Variants in OR51E2 observed in about 807,000 individuals in gnomAD.
OR51E2 encodes olfactory receptor 51E2.
OR51E2 carries 14 observed loss-of-function variants against 13.7 expected under a neutral mutation model. The ratio of observed to expected loss-of-function variants is 1.02; its 90% CI spans 0.68 to 1.60. The LOEUF (loss-of-function observed/expected upper bound fraction) is 1.60, where lower values mean the gene tolerates loss of function less well. OR51E2 is among the 40% of genes most tolerant of loss of function. The pLI is 0.00. For missense variants in OR51E2, 483 were observed against 413.8 expected (o/e 1.17, Z -1.45); for synonymous variants, 180 against 157.6 (o/e 1.14, Z -1.07).
intron 1 of OR51E2, among the ~76,000 whole-genome samples, chr11:4,691,997 A>G (rs997582638): frequency 2.6e-5 from 4 of 152,214 alleles, no homozygotes; most frequent in Non-Finnish European, 5.9e-5. Context: ...TTCTAGCCAT[A>G]GATAACCAAA....
rs772269733 is a variant in OR51E2, at chr11:4,681,110, G to C, written c.*639C>G. On this transcript the variant is annotated 3_prime_UTR_variant, in exon 2 of 2. Transcript: ENST00000396950. ...TTCACACCTGTAATCCCAACACTTT[G>C]GGAGGCTGAGGCGGGTGGATCACAA... The C allele has an allele frequency of 1.3e-4, 20 of 155,854 alleles. No individual in the cohort carries two copies. Among genetic ancestry groups the C allele is most frequent in the Non-Finnish European group, 2.4e-4 (17 of 70,750 alleles). The allele number at this position is 155,854 out of a possible 1,614,324, so 9.7% of individuals were successfully genotyped here.
In OR51E2 at chr11:4,682,625, G is replaced by A. The variant is rs879082453; in HGVS notation, c.87C>T (p.Pro29=). ...TTGCCACTACATACATGGAAAGGAG[G>A]GGGAAGCCAACCCAGAAATGGGCTT... ...LEKAHFWVGF[P]LLSMYVVAMF... is the part of the protein sequence containing the mutation. Residue 29 remains proline, a synonymous_variant, in exon 2 of 2, where the codon CCC becomes CCT. Coordinates refer to ENST00000396950, the MANE Select transcript of OR51E2 (RefSeq NM_030774.4). 4 of 1,614,198 alleles carry A rather than the reference G, an allele frequency of 2.5e-6. No individual in the cohort carries two copies. The highest frequency in any genetic ancestry group is 3.4e-6 in the Non-Finnish European group (4 of 1,180,040).
At chr11:4,694,050 G>A (rs1847621186) in intron 1 of OR51E2, among the ~76,000 whole-genome samples, 1 of 152,158 alleles carries the variant, frequency 6.6e-6, no homozygotes, top group African/African-American at 2.4e-5. Flanking sequence ...TATCTGAGTT[G>A]TAATTTTTGT....
At chr11:4,690,810 G>T (rs554126958) in intron 1 of OR51E2, 1 of 439,188 alleles carries the variant, frequency 2.3e-6, no homozygotes, top group Non-Finnish European at 4.5e-6. Context: ...TATCTGTTTG[G>T]TTTTCACACT....
chr11:4,691,107 G>A, intron 1 of OR51E2: 1 of 456,702 alleles, frequency 2.2e-6, no homozygotes, highest in Admixed American at 2.3e-5. Context: ...CAGCCCAACT[G>A]CACTGTTGAT....
intron 1 of OR51E2, among the ~76,000 whole-genome samples, chr11:4,694,575 T>TATATACAC (rs72005121): frequency 0.15 from 22,147 of 147,652 alleles, 2,082 homozygotes; most frequent in Non-Finnish European, 0.22. Flanking sequence ...CATATATATA[T>TATATACAC]ACACACACAC....
intron 1 of OR51E2, among the ~76,000 whole-genome samples, chr11:4,693,150 T>C (rs1847607237): frequency 6.6e-6 from 1 of 152,194 alleles, no homozygotes; most frequent in South Asian, 2.1e-4. Flanking sequence ...GTGATGGATA[T>C]GATAATTAGC....
chr11:4,684,317 G>T lies in OR51E2; in HGVS notation c.-50-1556C>A, dbSNP rs186110110. 2.2e-3 allele frequency among the ~76,000 whole-genome samples: 330 copies of T among 152,292 alleles called. 2 individuals are homozygous for T. The highest frequency in any genetic ancestry group is 7.4e-3 in the African/African-American group (307 of 41,558). On this transcript the variant is annotated intron_variant, in intron 1 of 1. Transcript: ENST00000396950. ...TGAAAAGCCCTTTTCAGAAGCAGAT[G>T]ATTGCATCCTTTAGTGAGATACAAG... is the stretch of plus-strand genomic sequence containing the variant.
rs569154911 is a variant in OR51E2 at position 4,682,447 on chromosome 11, G to T, written c.265C>A (p.Arg89=). The T allele has an allele frequency of 1.2e-5, 20 of 1,614,070 alleles. No homozygotes were observed. In the East Asian group the frequency reaches 3.6e-4, roughly 29 times the overall value. ...KILALFWFDS[R]EISFEACLTQ... is the part of the protein sequence containing the mutation. ...AGACAGGCCTCAAAGCTAATCTCTC[G>T]GGAATCAAACCAGAAAAGGGCAAGG... The change falls in exon 2 of 2, where the codon CGA becomes AGA. Residue 89 remains arginine (R), a synonymous_variant. Coordinates refer to ENST00000396950, the MANE Select transcript of OR51E2 (RefSeq NM_030774.4).
intron 1 of OR51E2, among the ~76,000 whole-genome samples, chr11:4,687,031 G>A (rs1030778523): frequency 1.3e-5 from 2 of 151,896 alleles, no homozygotes; most frequent in Non-Finnish European, 2.9e-5. Flanking sequence ...CCATTTTTAG[G>A]ACTTTGAGTA....
Position 4,681,508 on chromosome 11 carries a change from T to G in OR51E2, c.*241A>C. 1 of 509,848 alleles carries G rather than the reference T, an allele frequency of 2.0e-6. No homozygotes were observed. The highest frequency in any genetic ancestry group is 3.4e-6 in the Non-Finnish European group (1 of 290,132). The allele number at this position is 509,848 out of a possible 1,614,324, so 31.6% of individuals were successfully genotyped here. A position where few individuals can be genotyped will look rare whatever the true frequency, so the allele number is the denominator to read the frequency against. ...CAACTTGGTTTCAATCATGTATCTT[T>G]ATTGTTTTTCTTAATGTTATAAGCA... On this transcript the variant is annotated 3_prime_UTR_variant, in exon 2 of 2. Transcript: ENST00000396950.
At position 4,685,335 on chromosome 11, in the gene OR51E2, C is replaced by G. The variant is rs1405630213; in HGVS notation, c.-50-2574G>C. Among the ~76,000 whole-genome samples the G allele has an allele frequency of 2.6e-5, 4 of 152,194 alleles. No individual in the cohort carries two copies. In the East Asian group the frequency reaches 7.7e-4, roughly 29 times the overall value. ...ACACTCACATATACAGGGCTCTCGA[C>G]AATCTGCTCCCACTTCTCCAAGCTA... On this transcript the variant is annotated intron_variant, in intron 1 of 1. Coordinates refer to ENST00000396950, the MANE Select transcript of OR51E2 (RefSeq NM_030774.4).
intron 1 of OR51E2, among the ~76,000 whole-genome samples, chr11:4,687,323 T>C (rs1159438546): frequency 6.6e-6 from 1 of 152,174 alleles, no homozygotes; most frequent in Non-Finnish European, 1.5e-5. Flanking sequence ...CTCTTTAAAG[T>C]GGCCTCCTAA....
intron 1 of OR51E2, among the ~76,000 whole-genome samples, chr11:4,694,573 T>C (rs551827433): frequency 3.6e-3 from 433 of 118,980 alleles, no homozygotes; most frequent in Middle Eastern, 0.017. Context: ...TACATATATA[T>C]ATACACACAC....
chr11:4,691,317 G>C lies in OR51E2; in HGVS notation c.-51+6336C>G, dbSNP rs370478557. The C allele has an allele frequency of 1.1e-4, 51 of 457,552 alleles. No homozygotes were observed. The East Asian group carries it at 3.0e-3, about 27-fold the overall frequency. 28.3% of individuals were successfully genotyped at this position (457,552 alleles called of 1,614,324 possible). On this transcript the variant is annotated intron_variant, in intron 1 of 1. Coordinates refer to ENST00000396950, the MANE Select transcript of OR51E2 (RefSeq NM_030774.4). ...AATCATGGCATACCTAAGGGGATTA[G>C]AGACGGCCACAAAACGATCAAAAGC...
chr11:4,681,892 C>A lies in OR51E2; in HGVS notation c.820G>T (p.Val274Phe), dbSNP rs199516642. ...GNSLHPIVRV[V>F]MGDIYLLLPP... ...AGCAGCAGGTAGATGTCACCCATGA[C>A]AACACGCACAATGGGATGAAGGCTG... is the stretch of plus-strand genomic sequence containing the variant. Residue 274 changes from valine (V) to phenylalanine (F), a missense_variant, in exon 2 of 2, where the codon GTC (valine) becomes TTC (phenylalanine). By Grantham distance (50) the Val-to-Phe change is conservative (BLOSUM62 -1). Transcript: ENST00000396950. The A allele has an allele frequency of 6.2e-7, 1 of 1,614,152 alleles. No individual in the cohort carries two copies. Among genetic ancestry groups the A allele is most frequent in the Non-Finnish European group, 8.5e-7 (1 of 1,180,040 alleles).
At chr11:4,694,316 C>T (rs73388900) in intron 1 of OR51E2, among the ~76,000 whole-genome samples, 2,193 of 151,922 alleles carry the variant, frequency 0.014, 52 homozygotes, top group African/African-American at 0.05. Flanking sequence ...TGACTTCTCT[C>T]CTTTCCATCA....
chr11:4,695,923 A>T (rs1847650365), intron 1 of OR51E2, among the ~76,000 whole-genome samples: 1 of 152,072 alleles, frequency 6.6e-6, no homozygotes, highest in Non-Finnish European at 1.5e-5. Flanking sequence ...GGTTATTCTC[A>T]TGGCTTTAAA....
chr11:4,692,252 G>GGAA (rs1290850653), intron 1 of OR51E2: 2 of 374,260 alleles, frequency 5.3e-6, no homozygotes, highest in Admixed American at 6.5e-5. Context: ...GTAACACATA[G>GGAA]GAAGTGACAA....
Sources: allele counts gnomAD v4.1 joint callset (sites outside exome capture counted in the v4.1 genomes callset), GRCh38; gene constraint gnomAD v4.1.1; transcripts MANE v1.5; gene names NCBI Gene and HGNC (gene_info 2026-07-23, HGNC 2026-07-21).